FAM174A: variants seen among roughly 807,000 people sequenced by gnomAD.
FAM174A encodes membrane protein FAM174A.
In FAM174A, 14 loss-of-function variants were observed where a neutral mutation model predicts 14.3. The ratio of observed to expected loss-of-function variants is 0.98; its 90% confidence interval spans 0.65 to 1.53. The LOEUF is 1.53. Ranked by LOEUF, FAM174A falls within the 40% of genes most tolerant of loss-of-function variation. FAM174A has a pLI of 0.00. For missense variants in FAM174A, 241 were observed against 249.6 expected, an observed-to-expected ratio of 0.97 and a Z score of 0.23; for synonymous variants, 108 against 111.4, an observed-to-expected ratio of 0.97 and a Z score of 0.19.
chr5:100,546,990 G>A lies in FAM174A; in HGVS notation c.434+11026G>A, dbSNP rs534103696. Among the ~76,000 whole-genome samples the A allele has an allele frequency of 3.9e-5, 6 of 151,974 alleles. No homozygotes were observed. The East Asian group carries it at 1.2e-3, about 29-fold the overall frequency. On this transcript the variant is annotated intron_variant, in intron 1 of 2. Transcript: ENST00000312637. ...TTAGTCTTTATCACCCATTAAAACT[G>A]CCTCATGTTCCTGTGTGCATATATA... is the stretch of plus-strand genomic sequence containing the variant.
rs1272378121 is a variant in FAM174A at position 100,586,224 on chromosome 5, T to C, written c.*40T>C. On this transcript the variant is annotated 3_prime_UTR_variant, in exon 3 of 3. Coordinates refer to ENST00000312637, the MANE Select transcript of FAM174A (RefSeq NM_198507.3). The stretch of plus-strand genomic sequence containing the variant: ...ATGAAAGAACTTTATCTTTCTACAA[T>C]GAAGAGTGGAATTTCTATGTTTAAG... The C allele has an allele frequency of 8.6e-6, 12 of 1,397,770 alleles. No homozygotes were observed. The highest frequency in any genetic ancestry group is 1.5e-5 in the African/African-American group (1 of 68,544). The allele number at this position is 1,397,770 out of a possible 1,614,324, so 86.6% of individuals were successfully genotyped here.
At chr5:100,559,882 C>G (rs1160230964) in intron 1 of FAM174A, among the ~76,000 whole-genome samples, 3 of 151,984 alleles carry the variant, frequency 2.0e-5, no homozygotes, top group Non-Finnish European at 4.4e-5. Context: ...ACTTCTTTGC[C>G]ATGGGTTCGA....
intron 1 of FAM174A, among the ~76,000 whole-genome samples, chr5:100,538,368 A>G (rs1745980518): frequency 6.6e-6 from 1 of 152,146 alleles, no homozygotes; most frequent in Non-Finnish European, 1.5e-5. Context: ...AAATTTTATT[A>G]CATTGAACTA....
chr5:100,569,819 C>T (rs1313808714), intron 2 of FAM174A, among the ~76,000 whole-genome samples: 1 of 151,734 alleles, frequency 6.6e-6, no homozygotes, highest in African/African-American at 2.4e-5. Flanking sequence ...ATCATATATA[C>T]ACATACATAT....
At position 100,535,462 on chromosome 5, in the gene FAM174A, A is replaced by G. The variant is rs1405724060; in HGVS notation, c.-69A>G. 1.1e-5 allele frequency: 17 copies of G among 1,551,650 alleles called. No homozygotes were observed. In the South Asian group the frequency reaches 1.3e-4, roughly 12 times the overall value. On this transcript the variant is annotated 5_prime_UTR_variant, in exon 1 of 3. An upstream start codon of the reference 5' UTR is lost. Transcript: ENST00000312637. ...CTCTGCTTCATTCTCCACCGCGCCT[A>G]TGGTCCCTCTTGGAGCCAGCGTGGC...
intron 1 of FAM174A, among the ~76,000 whole-genome samples, chr5:100,557,051 C>T (rs536599117): frequency 1.3e-5 from 2 of 152,266 alleles, no homozygotes; most frequent in South Asian, 4.1e-4. Context: ...CCAGTTTTTG[C>T]CCATTCAGTA....
chr5:100,565,009 A>G (rs1048303600), intron 2 of FAM174A, among the ~76,000 whole-genome samples: 1 of 151,882 alleles, frequency 6.6e-6, no homozygotes, highest in African/African-American at 2.4e-5. Context: ...AAGCACTTTA[A>G]AACTCATTTT....
rs1468665691 is a variant in FAM174A, at chr5:100,571,670, G to GTA, written c.569+9483_569+9484insAT. Among the ~76,000 whole-genome samples the GTA allele has an allele frequency of 5.5e-3, 531 of 96,930 alleles. 4 individuals are homozygous for GTA. The highest frequency in any genetic ancestry group is 0.022 in the African/African-American group (456 of 20,496). The allele number at this position is 96,930 out of a possible 152,430, so 63.6% of individuals were successfully genotyped here. A position where few individuals can be genotyped will look rare whatever the true frequency, so the allele number is the denominator to read the frequency against. On this transcript the variant is annotated intron_variant, in intron 2 of 2. Coordinates refer to ENST00000312637, the MANE Select transcript of FAM174A (RefSeq NM_198507.3). Reference sequence around the variant, plus strand: ...ATAAAGTATATACCTAAGTGTGTGTGTGTATATATATATATATATATACAC... The same window carrying GTA: ...ATAAAGTATATACCTAAGTGTGTGTGTATGTATATATATATATATATATACAC...
intron 1 of FAM174A, among the ~76,000 whole-genome samples, chr5:100,560,497 A>G (rs1746501726): frequency 6.6e-6 from 1 of 152,064 alleles, no homozygotes; most frequent in East Asian, 1.9e-4. Context: ...GTGTATATAG[A>G]TAGCTCTATA....
At chr5:100,539,184 A>T (rs528800202) in intron 1 of FAM174A, among the ~76,000 whole-genome samples, 10 of 152,250 alleles carry the variant, frequency 6.6e-5, no homozygotes, top group Non-Finnish European at 1.5e-4. Context: ...TTATTATGAT[A>T]GCCTTTATTT....
chr5:100,553,629 C>T (rs1440012705), intron 1 of FAM174A, among the ~76,000 whole-genome samples: 4 of 152,064 alleles, frequency 2.6e-5, no homozygotes, highest in Non-Finnish European at 4.4e-5. Context: ...TGAACTGCAT[C>T]ACCCATTTAT....
At chr5:100,549,443 G>T (rs778968375) in intron 1 of FAM174A, among the ~76,000 whole-genome samples, 2 of 152,040 alleles carry the variant, frequency 1.3e-5, no homozygotes, top group Non-Finnish European at 2.9e-5. Context: ...GTTGATTTAG[G>T]ATTTACTTTA....
intron 1 of FAM174A, among the ~76,000 whole-genome samples, chr5:100,557,449 A>G (rs1293976951): frequency 6.6e-6 from 1 of 152,218 alleles, no homozygotes; most frequent in African/African-American, 2.4e-5. Flanking sequence ...TGCTGGCCTC[A>G]TAAAATGAGT....
At chr5:100,560,912 A>G in intron 1 of FAM174A, among the ~76,000 whole-genome samples, 1 of 152,032 alleles carries the variant, frequency 6.6e-6, no homozygotes, top group South Asian at 2.1e-4. Context: ...CATTCCTTGC[A>G]GGGTCACAGT....
At chr5:100,574,854 T>A (rs1191903933) in intron 2 of FAM174A, among the ~76,000 whole-genome samples, 1 of 152,008 alleles carries the variant, frequency 6.6e-6, no homozygotes, top group Non-Finnish European at 1.5e-5. Context: ...ACAGTAGGAG[T>A]GATTGTGACA....
At chr5:100,543,383 G>T (rs1394482607) in intron 1 of FAM174A, among the ~76,000 whole-genome samples, 2 of 152,172 alleles carry the variant, frequency 1.3e-5, no homozygotes. Context: ...CTCCTAAAGT[G>T]CTGGGATTAC....
At chr5:100,579,045 G>T (rs984249336) in intron 2 of FAM174A, among the ~76,000 whole-genome samples, 1 of 152,192 alleles carries the variant, frequency 6.6e-6, no homozygotes, top group Admixed American at 6.5e-5. Context: ...AAATGTTGTG[G>T]TTACTTATGT....
At chr5:100,544,736 G>A (rs1015328758) in intron 1 of FAM174A, among the ~76,000 whole-genome samples, 9 of 152,130 alleles carry the variant, frequency 5.9e-5, no homozygotes, top group African/African-American at 1.9e-4. Context: ...ATTCACCAGT[G>A]TATATCTAAC....
chr5:100,535,429 T>G lies in FAM174A; in HGVS notation c.-102T>G. On this transcript the variant is annotated 5_prime_UTR_variant, in exon 1 of 3. Transcript: ENST00000312637. The stretch of plus-strand genomic sequence containing the variant: ...CCACGACCGGGCCTCTCCCTGGCGT[T>G]TGGTCACCTCTGCTTCATTCTCCAC... 1.6e-6 allele frequency: 2 copies of G among 1,281,282 alleles called. No individual in the cohort carries two copies. The highest frequency in any genetic ancestry group is 2.1e-5 in the Admixed American group (1 of 47,826). 79.4% of individuals were successfully genotyped at this position (1,281,282 alleles called of 1,614,324 possible).
Sources: allele counts gnomAD v4.1 joint callset (sites outside exome capture counted in the v4.1 genomes callset), GRCh38; gene constraint gnomAD v4.1.1; transcripts MANE v1.5; gene names NCBI Gene and HGNC (gene_info 2026-07-23, HGNC 2026-07-21).